The following STK3 variants were observed in gnomAD, a reference collection of about 807,000 sequenced individuals.
STK3 encodes the protein serine/threonine kinase 3.
STK3 carries 41 observed loss-of-function variants against 58.0 expected under a neutral mutation model. The observed-to-expected ratio is 0.71, with a 90% confidence interval of 0.55 to 0.92. The LOEUF (loss-of-function observed/expected upper bound fraction) is 0.92. Among genes scored for constraint, STK3 ranks in the 40% least tolerant of loss-of-function variants. STK3 has a pLI of 0.00. For missense variants in STK3, 479 were observed against 602.7 expected, an observed-to-expected ratio of 0.79 and a Z score of 2.15; for synonymous variants, 170 against 191.0, an observed-to-expected ratio of 0.89 and a Z score of 0.91.
chr8:98,446,943 T>C (rs1586584285), intron 1 of STK3, among the ~76,000 whole-genome samples: 1 of 152,110 alleles, frequency 6.6e-6, no homozygotes, highest in Non-Finnish European at 1.5e-5. Context: ...TGTGAGGACA[T>C]GGATGGAGTT....
In STK3 at chr8:98,763,108, T is replaced by C. The variant is rs76344766; in HGVS notation, c.236+4135A>G. On this transcript the variant is annotated intron_variant, in intron 3 of 10. Coordinates refer to ENST00000419617, the MANE Select transcript of STK3 (RefSeq NM_006281.4). ...AAAAGCAATAATGAGGTTCTCATTCTACTCAATTCTTCAGTGAAGAAAATG... is the reference window on the plus strand; with the variant it reads ...AAAAGCAATAATGAGGTTCTCATTCCACTCAATTCTTCAGTGAAGAAAATG... Among the ~76,000 whole-genome samples, 624 of 152,376 alleles carry C rather than the reference T, an allele frequency of 4.1e-3. 10 individuals are homozygous for C. Among genetic ancestry groups the C allele is most frequent in the African/African-American group, 0.014 (598 of 41,586 alleles).
downstream of STK3, among the ~76,000 whole-genome samples, chr8:98,450,144 T>G (rs1026718551): frequency 3.9e-5 from 6 of 152,180 alleles, no homozygotes; most frequent in Middle Eastern, 3.2e-3. Flanking sequence ...TTTAAAAAAT[T>G]GAGCATGATA....
rs181998305 is a variant in STK3, at chr8:98,579,601, T to A, written c.948+63A>T. The A allele has an allele frequency of 1.7e-3, 2,609 of 1,552,416 alleles. 33 individuals are homozygous for A. In the African/African-American group the frequency reaches 0.032, roughly 19 times the overall value. ...AACAGTAAGTGCTTTTAATATATTTTAACAGAATTACAGACAAATAACTCA... is the reference window on the plus strand; with the variant it reads ...AACAGTAAGTGCTTTTAATATATTTAAACAGAATTACAGACAAATAACTCA... On this transcript the variant is annotated intron_variant, in intron 8 of 10. Coordinates refer to ENST00000419617, the MANE Select transcript of STK3 (RefSeq NM_006281.4).
chr8:98,580,870 G>T (rs1813823868), intron 7 of STK3, among the ~76,000 whole-genome samples: 1 of 152,192 alleles, frequency 6.6e-6, no homozygotes, highest in African/African-American at 2.4e-5. Context: ...TTGAAAGAGG[G>T]TTTAAAATGG....
intron 10 of STK3, among the ~76,000 whole-genome samples, chr8:98,502,853 G>A (rs1043632398): frequency 3.9e-5 from 6 of 152,166 alleles, no homozygotes; most frequent in Non-Finnish European, 7.3e-5. Flanking sequence ...AGGAATATTG[G>A]TCTAAAATTC....
chr8:98,427,312 G>A (rs1036959062), intron 3 of STK3: 2 of 151,666 alleles, frequency 1.3e-5, no homozygotes, highest in African/African-American at 4.8e-5. Context: ...CCTCGGCCGC[G>A]GGCACCCGTG....
chr8:98,462,907 C>T (rs1400483087), intron 10 of STK3: 1 of 151,532 alleles, frequency 6.6e-6, no homozygotes, highest in East Asian at 1.9e-4. Context: ...TGTCATATTG[C>T]CAGAATTGTT....
chr8:98,814,298 G>T (rs1028460476), intron 1 of STK3, among the ~76,000 whole-genome samples: 2 of 151,104 alleles, frequency 1.3e-5, no homozygotes, highest in Non-Finnish European at 2.9e-5. Flanking sequence ...TGATCCACCT[G>T]CCTCAACCTC....
At chr8:98,656,537 G>GT (rs1397527750) in intron 6 of STK3, among the ~76,000 whole-genome samples, 13 of 151,844 alleles carry the variant, frequency 8.6e-5, no homozygotes, top group Non-Finnish European at 1.0e-4. Context: ...ACTCAAGAAA[G>GT]GCTGTTGAAT....
chr8:98,529,255 G>A (rs1269983511), intron 9 of STK3, among the ~76,000 whole-genome samples: 1 of 151,916 alleles, frequency 6.6e-6, no homozygotes, highest in Non-Finnish European at 1.5e-5. Context: ...CAGAGAGTCC[G>A]GAATTCTTAA....
chr8:98,608,329 G>C (rs1165778222), intron 6 of STK3, among the ~76,000 whole-genome samples: 1 of 151,804 alleles, frequency 6.6e-6, no homozygotes, highest in Admixed American at 6.6e-5. Flanking sequence ...AAAAGCTCTT[G>C]GGTCCTCAAT....
intron 4 of STK3, among the ~76,000 whole-genome samples, chr8:98,710,542 T>C (rs1263506373): frequency 6.6e-6 from 1 of 152,342 alleles, no homozygotes; most frequent in East Asian, 1.9e-4. Context: ...CCTCGCTCAC[T>C]GCTAGCACAA....
intron 1 of STK3, among the ~76,000 whole-genome samples, chr8:98,810,764 T>C (rs1834169672): frequency 6.6e-6 from 1 of 152,200 alleles, no homozygotes; most frequent in Non-Finnish European, 1.5e-5. Flanking sequence ...TTCCCAATGA[T>C]GGAGGTGGGG....
chr8:98,631,672 G>GT (rs758806521), intron 6 of STK3, among the ~76,000 whole-genome samples: 4 of 145,806 alleles, frequency 2.7e-5, no homozygotes, highest in Non-Finnish European at 6.1e-5. Flanking sequence ...TTTTTTGTGT[G>GT]TTTTTTTCCC....
At chr8:98,593,131 C>T (rs771815571) in intron 7 of STK3, among the ~76,000 whole-genome samples, 23 of 152,220 alleles carry the variant, frequency 1.5e-4, no homozygotes, top group South Asian at 8.3e-4. Context: ...TCAGGAACTC[C>T]GGTGCTAATA....
intron 1 of STK3, among the ~76,000 whole-genome samples, chr8:98,815,241 G>A (rs1275921227): frequency 6.6e-6 from 1 of 152,212 alleles, no homozygotes; most frequent in African/African-American, 2.4e-5. Flanking sequence ...GAAAATAAAT[G>A]TGTAGTGGAG....
At chr8:98,487,378 A>C (rs1232677146) in intron 10 of STK3, among the ~76,000 whole-genome samples, 1 of 152,234 alleles carries the variant, frequency 6.6e-6, no homozygotes, top group Non-Finnish European at 1.5e-5. Flanking sequence ...ACCTAAATGC[A>C]ATGAGACTTT....
At chr8:98,619,419 T>G (rs1818057414) in intron 6 of STK3, among the ~76,000 whole-genome samples, 1 of 149,736 alleles carries the variant, frequency 6.7e-6, no homozygotes, top group African/African-American at 2.5e-5. Context: ...GGACTTCATG[T>G]CCAAAACACC....
At chr8:98,551,434 C>T (rs1271890709) in intron 8 of STK3, among the ~76,000 whole-genome samples, 1 of 152,056 alleles carries the variant, frequency 6.6e-6, no homozygotes, top group African/African-American at 2.4e-5. Flanking sequence ...TTGTCAGAAT[C>T]AAAATGAAGT....
Sources: allele counts gnomAD v4.1 joint callset (sites outside exome capture counted in the v4.1 genomes callset), GRCh38; gene constraint gnomAD v4.1.1; transcripts MANE v1.5; gene names NCBI Gene and HGNC (gene_info 2026-07-23, HGNC 2026-07-21).